The following CAMK1D variants were observed in gnomAD, a reference collection of about 807,000 sequenced individuals.
The protein encoded by CAMK1D is calcium/calmodulin dependent protein kinase ID, also known as calcium/calmodulin-dependent protein kinase type 1D.
In CAMK1D, 9 loss-of-function variants were observed where a neutral mutation model predicts 47.7. The ratio of observed to expected loss-of-function variants is 0.19; its 90% CI spans 0.11 to 0.33. The LOEUF is 0.33. Ranked by LOEUF, CAMK1D falls within the 10% of genes least tolerant of loss-of-function variation. The pLI, the probability that CAMK1D is intolerant of heterozygous loss-of-function variation, is 1.00. For synonymous variants in CAMK1D, 184 were observed against 184.9 expected (o/e 0.99, Z 0.04); for missense variants, 291 against 488.7 (o/e 0.60, Z 3.81).
intron 2 of CAMK1D, among the ~76,000 whole-genome samples, chr10:12,641,346 G>A (rs965106382): frequency 1.3e-5 from 2 of 152,150 alleles, no homozygotes; most frequent in Admixed American, 1.3e-4. Flanking sequence ...ATGTGGCTGG[G>A]CACGGTGGCT....
chr10:12,737,065 C>T (rs557626746), intron 3 of CAMK1D, among the ~76,000 whole-genome samples: 2 of 152,238 alleles, frequency 1.3e-5, no homozygotes, highest in East Asian at 1.9e-4. Context: ...CATGAAGGTG[C>T]GTAGCCTGAG....
intron 1 of CAMK1D, among the ~76,000 whole-genome samples, chr10:12,487,079 T>A (rs1834241027): frequency 6.6e-6 from 1 of 152,174 alleles, no homozygotes; most frequent in Non-Finnish European, 1.5e-5. Context: ...GGTAAACTCA[T>A]GTCATGGGGG....
rs994666870 is a variant in CAMK1D, at chr10:12,365,308, G to T, written c.92+15398G>T. Among the ~76,000 whole-genome samples, 4 of 152,208 alleles carry T rather than the reference G, an allele frequency of 2.6e-5. No homozygotes were observed. The East Asian group carries it at 5.8e-4, about 22-fold the overall frequency. ...TTGTCAAATGGGGATAATGACACCT[G>T]CTTACGTTATGGACTTTTTATAGAT... is the stretch of plus-strand genomic sequence containing the variant. On this transcript the variant is annotated intron_variant, in intron 1 of 10. Coordinates refer to ENST00000619168, the MANE Select transcript of CAMK1D (RefSeq NM_153498.4).
chr10:12,463,838 A>G (rs1041959590), intron 1 of CAMK1D, among the ~76,000 whole-genome samples: 1 of 152,078 alleles, frequency 6.6e-6, no homozygotes, highest in Non-Finnish European at 1.5e-5. Context: ...GGTTTTCCCC[A>G]TGCTGTTCTC....
intron 8 of CAMK1D, among the ~76,000 whole-genome samples, chr10:12,824,074 G>A (rs562839530): frequency 1.3e-5 from 2 of 152,072 alleles, no homozygotes; most frequent in African/African-American, 4.8e-5. Flanking sequence ...GGTGGCGCAT[G>A]GTGGCTCAAA....
At chr10:12,730,244 C>T (rs1238459212) in intron 3 of CAMK1D, among the ~76,000 whole-genome samples, 2 of 152,096 alleles carry the variant, frequency 1.3e-5, no homozygotes, top group African/African-American at 4.8e-5. Flanking sequence ...GGACCATTAG[C>T]ATTCCCTGGT....
chr10:12,488,965 T>C (rs2132114836), intron 1 of CAMK1D, among the ~76,000 whole-genome samples: 1 of 152,250 alleles, frequency 6.6e-6, no homozygotes, highest in Non-Finnish European at 1.5e-5. Flanking sequence ...ACATGGAGTC[T>C]CGCTCTGAGG....
intron 1 of CAMK1D, among the ~76,000 whole-genome samples, chr10:12,527,665 C>T (rs779415908): frequency 1.4e-4 from 21 of 152,118 alleles, no homozygotes; most frequent in African/African-American, 1.9e-4. Flanking sequence ...CGTGAGCCAC[C>T]GCGCCCAGTT....
intron 5 of CAMK1D, among the ~76,000 whole-genome samples, chr10:12,790,694 C>G (rs907803769): frequency 9.2e-5 from 14 of 151,830 alleles, no homozygotes; most frequent in Non-Finnish European, 1.6e-4. Context: ...ATATTTCTTT[C>G]TAGTTAAAAA....
At chr10:12,372,271 A>G (rs1387425473) in intron 1 of CAMK1D, among the ~76,000 whole-genome samples, 3 of 152,230 alleles carry the variant, frequency 2.0e-5, no homozygotes, top group East Asian at 1.9e-4. Context: ...GTGAATTTTC[A>G]TACTAAACCT....
chr10:12,661,097 T>C (rs537711435), intron 2 of CAMK1D, among the ~76,000 whole-genome samples: 203 of 152,344 alleles, frequency 1.3e-3, no homozygotes, highest in Middle Eastern at 0.01. Flanking sequence ...CAACATGTCT[T>C]TTTCTGATTC....
chr10:12,371,598 A>G lies in CAMK1D; in HGVS notation c.92+21688A>G, dbSNP rs568034691. ...CGAAAAAAAAAAAAACCAAAAAAAA[A>G]CAAAAAAAAACTTTTTTGGCTAGGC... On this transcript the variant is annotated intron_variant, in intron 1 of 10. Coordinates refer to ENST00000619168, the MANE Select transcript of CAMK1D (RefSeq NM_153498.4). 2.8e-5 allele frequency among the ~76,000 whole-genome samples: 4 copies of G among 144,922 alleles called. No individual in the cohort carries two copies. The Admixed American group carries it at 2.8e-4, about 10-fold the overall frequency.
chr10:12,755,757 A>G (rs974923552), intron 3 of CAMK1D, among the ~76,000 whole-genome samples: 1 of 152,104 alleles, frequency 6.6e-6, no homozygotes, highest in African/African-American at 2.4e-5. Flanking sequence ...AATAATGTAA[A>G]TGTCTGCCTT....
chr10:12,696,565 T>G (rs953636162), intron 3 of CAMK1D, among the ~76,000 whole-genome samples: 5 of 152,048 alleles, frequency 3.3e-5, no homozygotes, highest in African/African-American at 1.2e-4. Flanking sequence ...AAACAAAAAT[T>G]ATCCCAAGAC....
At chr10:12,573,062 C>A (rs910987226) in intron 2 of CAMK1D, among the ~76,000 whole-genome samples, 1 of 152,222 alleles carries the variant, frequency 6.6e-6, no homozygotes, top group Admixed American at 6.5e-5. Context: ...GGACCATTGA[C>A]AGAAATAGAG....
At chr10:12,475,396 G>A (rs935092959) in intron 1 of CAMK1D, among the ~76,000 whole-genome samples, 2 of 152,104 alleles carry the variant, frequency 1.3e-5, no homozygotes, top group Non-Finnish European at 2.9e-5. Context: ...CTTTGTGTCT[G>A]GTCTGTTTCA....
At chr10:12,375,368 G>A (rs1183192930) in intron 1 of CAMK1D, among the ~76,000 whole-genome samples, 1 of 152,114 alleles carries the variant, frequency 6.6e-6, no homozygotes, top group African/African-American at 2.4e-5. Context: ...TCTGGATTTC[G>A]TCTCTATAAA....
chr10:12,749,789 C>G (rs1347148171), intron 3 of CAMK1D, among the ~76,000 whole-genome samples: 1 of 152,098 alleles, frequency 6.6e-6, no homozygotes, highest in Middle Eastern at 3.2e-3. Context: ...GGAATTTCAC[C>G]GTGTTGGCCA....
intron 2 of CAMK1D, among the ~76,000 whole-genome samples, chr10:12,632,109 A>G (rs548620774): frequency 6.6e-6 from 1 of 152,294 alleles, no homozygotes; most frequent in South Asian, 2.1e-4. Flanking sequence ...CACCTAACCA[A>G]CGTCTCATTC....
Sources: gnomAD v4.1 joint callset for allele counts (sites outside exome capture counted in the v4.1 genomes callset) on GRCh38, gnomAD v4.1.1 for gene constraint, MANE v1.5 for transcripts, NCBI Gene and HGNC (gene_info 2026-07-23, HGNC 2026-07-21) for gene names.